The following ADGRB3 variants were observed in gnomAD, a reference collection of about 807,000 sequenced individuals.
ADGRB3 encodes the protein brain-specific angiogenesis inhibitor 3.
Under a neutral mutation model 193.4 loss-of-function variants are expected in ADGRB3, and 37 were observed. The ratio of observed to expected loss-of-function variants is 0.19; its 90% CI spans 0.15 to 0.25. The LOEUF is 0.25. Ranked by LOEUF, ADGRB3 falls within the 10% of genes least tolerant of loss-of-function variation. ADGRB3 has a pLI of 1.00. For synonymous variants in ADGRB3, 690 were observed against 644.2 expected (o/e 1.07, Z -1.08); for missense variants, 1,637 against 1,852.9 (o/e 0.88, Z 2.14).
chr6:69,324,844 G>C, intron 20 of ADGRB3, 28 bp from the exon 21 acceptor site: 1 of 1,611,980 alleles, frequency 6.2e-7, no homozygotes, highest in South Asian at 1.1e-5. Context: ...GGTTCAGTGT[G>C]AGTCTTTTTG....
chr6:68,644,219 A>G lies in ADGRB3; in HGVS notation c.757+4787A>G, dbSNP rs1287108579. On this transcript the variant is annotated intron_variant, in intron 3 of 31. Coordinates refer to ENST00000370598, the MANE Select transcript of ADGRB3 (RefSeq NM_001704.3). Reference sequence around the variant, plus strand: ...TTTTACTTACACCTTTATTAGGGGAAGATTGCTATTATTTTTATAATTTCC... The same window carrying G: ...TTTTACTTACACCTTTATTAGGGGAGGATTGCTATTATTTTTATAATTTCC... 5.3e-5 allele frequency among the ~76,000 whole-genome samples: 8 copies of G among 152,254 alleles called. No homozygotes were observed. In the East Asian group the frequency reaches 1.5e-3, roughly 29 times the overall value.
intron 20 of ADGRB3, among the ~76,000 whole-genome samples, chr6:69,273,839 G>A (rs1305684095): frequency 6.6e-6 from 1 of 152,192 alleles, no homozygotes; most frequent in Non-Finnish European, 1.5e-5. Context: ...TCCGCCATAT[G>A]GACTACTATT....
In ADGRB3 at chr6:69,125,828, T is replaced by A. The variant is rs1773835970; in HGVS notation, c.2480+49790T>A. Among the ~76,000 whole-genome samples, 3 of 152,302 alleles carry A rather than the reference T, an allele frequency of 2.0e-5. 1 individual carries two copies. In the South Asian group the frequency reaches 6.2e-4, roughly 32 times the overall value. Reference sequence around the variant, plus strand: ...GCTTACCTCCCACTTTGAAGGCAATTTGTTCTGTTCTGGTATCTCTTTCAG... The same window carrying A: ...GCTTACCTCCCACTTTGAAGGCAATATGTTCTGTTCTGGTATCTCTTTCAG... On this transcript the variant is annotated intron_variant, in intron 17 of 31. Transcript: ENST00000370598.
chr6:69,249,853 C>G (rs1272709951), intron 20 of ADGRB3, among the ~76,000 whole-genome samples: 1 of 152,078 alleles, frequency 6.6e-6, no homozygotes, highest in African/African-American at 2.4e-5. Context: ...GAAGAAAGAA[C>G]TAGGCATATG....
At chr6:69,264,266 A>G (rs1766987667) in intron 20 of ADGRB3, among the ~76,000 whole-genome samples, 1 of 151,972 alleles carries the variant, frequency 6.6e-6, no homozygotes, top group Non-Finnish European at 1.5e-5. Context: ...CTACAGACTA[A>G]GGAGATTTAT....
intron 3 of ADGRB3, among the ~76,000 whole-genome samples, chr6:68,641,473 G>C (rs1239099741): frequency 3.3e-5 from 5 of 152,104 alleles, no homozygotes; most frequent in African/African-American, 1.2e-4. Flanking sequence ...AAATGAAAAA[G>C]AAATACCTTC....
At chr6:69,122,193 A>G (rs1773722951) in intron 17 of ADGRB3, among the ~76,000 whole-genome samples, 1 of 151,896 alleles carries the variant, frequency 6.6e-6, no homozygotes, top group Admixed American at 6.6e-5. Context: ...CTCCGTCTGC[A>G]ATCCCAGCAC....
intron 15 of ADGRB3, among the ~76,000 whole-genome samples, chr6:69,054,052 A>G (rs951753790): frequency 6.6e-6 from 1 of 152,212 alleles, no homozygotes; most frequent in Non-Finnish European, 1.5e-5. Flanking sequence ...CCCTTAAAAA[A>G]TGCATCTTAT....
At chr6:68,743,022 G>A (rs1454044974) in intron 3 of ADGRB3, among the ~76,000 whole-genome samples, 1 of 151,958 alleles carries the variant, frequency 6.6e-6, no homozygotes, top group Non-Finnish European at 1.5e-5. Flanking sequence ...ATATGACTAG[G>A]CATGCGTATA....
intron 17 of ADGRB3, among the ~76,000 whole-genome samples, chr6:69,161,724 G>A (rs1774991516): frequency 6.6e-6 from 1 of 152,054 alleles, no homozygotes; most frequent in Non-Finnish European, 1.5e-5. Context: ...ACTGGAGGAG[G>A]ATTTACTTTC....
At chr6:68,883,695 A>AC (rs1765808362) in intron 3 of ADGRB3, among the ~76,000 whole-genome samples, 1 of 152,160 alleles carries the variant, frequency 6.6e-6, no homozygotes, top group African/African-American at 2.4e-5. Flanking sequence ...GAGACCACGA[A>AC]CCCACCAGAA....
intron 3 of ADGRB3, among the ~76,000 whole-genome samples, chr6:68,721,068 C>A (rs9354796): frequency 3.3e-5 from 5 of 151,592 alleles, no homozygotes; most frequent in Non-Finnish European, 7.4e-5. Context: ...GACAGTGTGG[C>A]GATTCCTCAG....
chr6:69,176,866 A>G (rs1692132547), intron 17 of ADGRB3, among the ~76,000 whole-genome samples: 1 of 152,148 alleles, frequency 6.6e-6, no homozygotes, highest in African/African-American at 2.4e-5. Context: ...GGGACATTGT[A>G]TGCTTCTAGG....
chr6:68,994,093 G>T, intron 11 of ADGRB3, 131 bp downstream of exon 11: 1 of 876,450 alleles, frequency 1.1e-6, no homozygotes, highest in Non-Finnish European at 1.7e-6. Flanking sequence ...TGCTTAGTGT[G>T]AGCTCTGGAA....
chr6:68,986,253 C>G (rs529147211), intron 10 of ADGRB3, among the ~76,000 whole-genome samples: 1 of 152,194 alleles, frequency 6.6e-6, no homozygotes, highest in East Asian at 1.9e-4. Context: ...TTCATGCTGT[C>G]CAATCTCTCA....
chr6:68,663,887 T>G (rs1279054677), intron 3 of ADGRB3, among the ~76,000 whole-genome samples: 1 of 151,830 alleles, frequency 6.6e-6, no homozygotes, highest in Non-Finnish European at 1.5e-5. Context: ...TCTTTAGAGT[T>G]ACATTATCTA....
At chr6:68,912,331 T>G (rs939314817) in intron 3 of ADGRB3, among the ~76,000 whole-genome samples, 1 of 151,692 alleles carries the variant, frequency 6.6e-6, no homozygotes. Context: ...ATAATGTATA[T>G]TCATCTTCTT....
chr6:69,381,025 GT>G (rs1013817850), intron 30 of ADGRB3, among the ~76,000 whole-genome samples: 8 of 151,304 alleles, frequency 5.3e-5, no homozygotes, highest in African/African-American at 9.7e-5. Context: ...AACTACAATA[GT>G]TTTTTTTTAA....
At chr6:69,186,937 G>GTT (rs1464247139) in intron 17 of ADGRB3, among the ~76,000 whole-genome samples, 1 of 135,016 alleles carries the variant, frequency 7.4e-6, no homozygotes, top group African/African-American at 2.9e-5. Flanking sequence ...TTTTTTTTTT[G>GTT]TTTTTTGTTT....
Sources: gnomAD v4.1 joint callset for allele counts (sites outside exome capture counted in the v4.1 genomes callset) on GRCh38, gnomAD v4.1.1 for gene constraint, MANE v1.5 for transcripts, NCBI Gene and HGNC (gene_info 2026-07-23, HGNC 2026-07-21) for gene names.